The following ZNF81 variants were observed in gnomAD, a reference collection of about 807,000 sequenced individuals.
ZNF81 encodes the protein zinc finger protein 81 (HFZ20).
Under a neutral mutation model 32.3 loss-of-function variants are expected in ZNF81, and 5 were observed. The ratio of observed to expected loss-of-function variants is 0.15; its 90% CI spans 0.08 to 0.33. ZNF81 has a LOEUF of 0.33. Among genes scored for constraint, ZNF81 ranks in the 10% least tolerant of loss-of-function variants. The probability of loss-of-function intolerance (pLI) is 1.00; values close to 1 mark genes in which losing one functional copy is unlikely to be tolerated. For missense variants in ZNF81, 379 were observed against 479.8 expected (o/e 0.79, Z 1.96); for synonymous variants, 163 against 166.8 (o/e 0.98, Z 0.17).
intron 2 of ZNF81, among the ~76,000 whole-genome samples, chrX:47,872,431 C>T (rs1556884017): frequency 9.0e-6 from 1 of 111,166 alleles, no homozygotes; most frequent in African/African-American, 3.3e-5. Context: ...GTGAGTGGCT[C>T]GAGAAAAAGA....
chrX:47,874,747 TTTTG>T (rs2058593189), intron 2 of ZNF81, among the ~76,000 whole-genome samples: 1 of 112,131 alleles, frequency 8.9e-6, no homozygotes, highest in Non-Finnish European at 1.9e-5. Flanking sequence ...AACACACCTT[TTTTG>T]TTTGTCTTTT....
At chrX:47,892,178 C>G (rs1376941425) in intron 3 of ZNF81, among the ~76,000 whole-genome samples, 1 of 111,886 alleles carries the variant, frequency 8.9e-6, no homozygotes, top group African/African-American at 3.2e-5. Context: ...TCAGACTATT[C>G]TGATTGTTGC....
chrX:47,916,916 T>C lies in ZNF81; in HGVS notation c.*284T>C, dbSNP rs187907741. 293 of 284,021 alleles carry C rather than the reference T, an allele frequency of 1.0e-3. No homozygotes were observed. Among genetic ancestry groups the C allele is most frequent in the Non-Finnish European group, 1.3e-3 (215 of 163,038 alleles). The allele number at this position is 284,021 out of a possible 1,213,427, so 23.4% of individuals were successfully genotyped here. On this transcript the variant is annotated 3_prime_UTR_variant, in exon 5 of 5. Coordinates refer to ENST00000338637, the MANE Select transcript of ZNF81 (RefSeq NM_007137.5). ...TTAGGAAAAGCCTTCCTATAGAAAG[T>C]ATTATAAGTTAAATTGTTACCAAAT... is the stretch of plus-strand genomic sequence containing the variant.
intron 2 of ZNF81, among the ~76,000 whole-genome samples, chrX:47,865,128 T>A (rs1255495948): frequency 8.9e-6 from 1 of 111,887 alleles, no homozygotes; most frequent in Non-Finnish European, 1.9e-5. Flanking sequence ...CCAGCAGCCT[T>A]GCTCTAGTTG....
chrX:47,880,494 A>T (rs1556885009), intron 2 of ZNF81, among the ~76,000 whole-genome samples: 1 of 112,580 alleles, frequency 8.9e-6, no homozygotes, highest in Non-Finnish European at 1.9e-5. Context: ...AATTACAGGC[A>T]TGAGTCACTG....
intron 1 of ZNF81, among the ~76,000 whole-genome samples, chrX:47,840,594 C>G (rs1556879648): frequency 1.8e-5 from 2 of 109,245 alleles, no homozygotes; most frequent in Non-Finnish European, 3.8e-5. Flanking sequence ...ACCTCCGCCT[C>G]CCAGGCAGGT....
chrX:47,887,713 C>T (rs1294255902), intron 2 of ZNF81, among the ~76,000 whole-genome samples: 2 of 110,837 alleles, frequency 1.8e-5, no homozygotes, highest in Non-Finnish European at 3.8e-5. Flanking sequence ...ACAAATTTCT[C>T]ATAAAAATGA....
intron 4 of ZNF81, among the ~76,000 whole-genome samples, chrX:47,903,208 A>G (rs2058705202): frequency 9.2e-6 from 1 of 108,116 alleles, no homozygotes; most frequent in African/African-American, 3.4e-5. Context: ...AGTTCTGGCC[A>G]GGGCAATTAG....
chrX:47,909,068 G>A (rs1232016927), intron 4 of ZNF81, among the ~76,000 whole-genome samples: 1 of 111,660 alleles, frequency 9.0e-6, no homozygotes, highest in Admixed American at 9.5e-5. Context: ...CATTCATTGA[G>A]CTTTACAGTT....
chrX:47,895,114 G>A (rs1556887003), intron 3 of ZNF81, among the ~76,000 whole-genome samples: 1 of 111,039 alleles, frequency 9.0e-6, no homozygotes, highest in Non-Finnish European at 1.9e-5. Context: ...GGACTAGAGG[G>A]CAGACTCTTG....
At chrX:47,910,121 C>T (rs1212110486) in intron 4 of ZNF81, among the ~76,000 whole-genome samples, 2 of 111,638 alleles carry the variant, frequency 1.8e-5, no homozygotes, top group African/African-American at 6.5e-5. Flanking sequence ...TGGGTATACA[C>T]CCAGTAATGG....
At chrX:47,853,232 A>G (rs1177358581) in intron 2 of ZNF81, among the ~76,000 whole-genome samples, 1 of 105,878 alleles carries the variant, frequency 9.4e-6, no homozygotes, top group Non-Finnish European at 1.9e-5. Flanking sequence ...GCTGGAGTGC[A>G]GTGGTGCGAT....
chrX:47,837,942 G>C (rs534543217), intron 1 of ZNF81, among the ~76,000 whole-genome samples: 1 of 112,243 alleles, frequency 8.9e-6, no homozygotes, highest in Non-Finnish European at 1.9e-5. Context: ...AGTCTTAACT[G>C]TGCCAAGTCT....
Position 47,891,383 on chromosome X carries a change from G to A in ZNF81, c.181+3258G>A, listed in dbSNP as rs141790354. ...ACAGGCCAAATAGGCAAGGTGAATG[G>A]GGATGTGGTGGGAATCACCATCCCT... On this transcript the variant is annotated intron_variant, in intron 3 of 4. Coordinates refer to ENST00000338637, the MANE Select transcript of ZNF81 (RefSeq NM_007137.5). 6.2e-3 allele frequency among the ~76,000 whole-genome samples: 697 copies of A among 112,243 alleles called. 5 individuals are homozygous for A. Among genetic ancestry groups the A allele is most frequent in the African/African-American group, 0.022 (665 of 30,873 alleles).
chrX:47,847,618 G>T (rs926924817), intron 2 of ZNF81, among the ~76,000 whole-genome samples: 3 of 111,458 alleles, frequency 2.7e-5, no homozygotes, highest in Non-Finnish European at 5.7e-5. Context: ...CCATCTCCCA[G>T]GAAATCCCCT....
At chrX:47,877,130 C>T (rs972976501) in intron 2 of ZNF81, among the ~76,000 whole-genome samples, 35 of 112,602 alleles carry the variant, frequency 3.1e-4, no homozygotes, top group Admixed American at 1.9e-4. Flanking sequence ...GGGCCCTATC[C>T]ACAAGGTCAC....
intron 2 of ZNF81, among the ~76,000 whole-genome samples, chrX:47,873,598 CA>C (rs2058588458): frequency 8.9e-6 from 1 of 111,755 alleles, no homozygotes; most frequent in Admixed American, 9.5e-5. Flanking sequence ...GTATATTGTC[CA>C]GGGTAGCGTG....
intron 4 of ZNF81, among the ~76,000 whole-genome samples, chrX:47,897,315 G>T (rs185609152): frequency 6.2e-5 from 7 of 112,339 alleles, no homozygotes; most frequent in Non-Finnish European, 1.3e-4. Context: ...TGAGAATAAT[G>T]ATGTTAAGCA....
At chrX:47,847,955 C>T (rs1449357199) in intron 2 of ZNF81, among the ~76,000 whole-genome samples, 2 of 107,927 alleles carry the variant, frequency 1.9e-5, no homozygotes, top group Non-Finnish European at 3.8e-5. Context: ...TGCTCTGTTG[C>T]CCAGGCTGGA....
Sources: allele counts gnomAD v4.1 joint callset (sites outside exome capture counted in the v4.1 genomes callset), GRCh38; gene constraint gnomAD v4.1.1; transcripts MANE v1.5; gene names NCBI Gene and HGNC (gene_info 2026-07-23, HGNC 2026-07-21).